SNTG1: variants seen among roughly 807,000 people sequenced by gnomAD.
SNTG1 encodes gamma-1-syntrophin.
A neutral mutation model predicts 74.7 loss-of-function variants in SNTG1; 39 were observed. The ratio of observed to expected loss-of-function variants is 0.52; its 90% CI spans 0.40 to 0.68. The LOEUF is 0.68. Among genes scored for constraint, SNTG1 ranks in the 30% least tolerant of loss-of-function variants. The pLI, the probability that SNTG1 is intolerant of heterozygous loss-of-function variation, is 0.00. For synonymous variants in SNTG1, 254 were observed against 217.1 expected (o/e 1.17, Z -1.49); for missense variants, 685 against 609.5 (o/e 1.12, Z -1.30).
At chr8:50,438,455 C>G in intron 4 of SNTG1, 88 bp from the exon 5 acceptor site, 1 of 1,103,292 alleles carries the variant, frequency 9.1e-7, no homozygotes, top group South Asian at 1.4e-5. Context: ...AAAGCAAAAC[C>G]CAGAAGAAAA....
intron 13 of SNTG1, among the ~76,000 whole-genome samples, chr8:50,618,802 T>G (rs2392704): frequency 0.83 from 126,272 of 152,128 alleles, 52,943 homozygotes; most frequent in African/African-American, 0.94. Context: ...CCTGTATATA[T>G]AGAGTTCACA....
Position 50,512,858 on chromosome 8 carries a change from C to T in SNTG1, c.466+9978C>T, listed in dbSNP as rs182903946. Among the ~76,000 whole-genome samples the T allele has an allele frequency of 1.8e-3, 272 of 152,054 alleles. 1 individual carries two copies. The highest frequency in any genetic ancestry group is 6.0e-3 in the African/African-American group (249 of 41,496). Reference sequence around the variant, plus strand: ...GTTTTTAACTTCTTTGCCATGGGTTCGAACTTCCTCCTTTAGCTTGGAGTA... The same window carrying T: ...GTTTTTAACTTCTTTGCCATGGGTTTGAACTTCCTCCTTTAGCTTGGAGTA... On this transcript the variant is annotated intron_variant, in intron 9 of 18. Transcript: ENST00000642720.
chr8:50,458,054 AGTGG>A (rs1563414213), intron 8 of SNTG1: 2 of 152,222 alleles, frequency 1.3e-5, no homozygotes, highest in Non-Finnish European at 2.9e-5. Context: ...TAAACCACAC[AGTGG>A]AGCCCAGTGG....
chr8:50,569,017 CA>C (rs1184128186), intron 12 of SNTG1: 1 of 152,164 alleles, frequency 6.6e-6, no homozygotes, highest in African/African-American at 2.4e-5. Flanking sequence ...CCCCTTGTAT[CA>C]GGTAAGAGAA....
At chr8:50,777,585 A>G (rs1011766738) in intron 18 of SNTG1, among the ~76,000 whole-genome samples, 2 of 151,528 alleles carry the variant, frequency 1.3e-5, no homozygotes, top group African/African-American at 4.8e-5. Context: ...ACTACTTTAA[A>G]ATATTTGTCA....
rs189068558 is a variant in SNTG1, at chr8:50,390,391, T to A, written c.-27-3821T>A. On this transcript the variant is annotated intron_variant, in intron 2 of 18. Coordinates refer to ENST00000642720, the MANE Select transcript of SNTG1 (RefSeq NM_018967.5). ...ATCAGATAGTTGTAGATGTGTGGTA[T>A]TATTTCTGAGGGCTCTGTTCTGATC... is the stretch of plus-strand genomic sequence containing the variant. 1.6e-4 allele frequency among the ~76,000 whole-genome samples: 24 copies of A among 152,318 alleles called. 1 individual carries two copies. Among genetic ancestry groups the A allele is most frequent in the African/African-American group, 5.3e-4 (22 of 41,572 alleles).
At chr8:49,988,207 G>A (rs759041230) in intron 1 of SNTG1, among the ~76,000 whole-genome samples, 26 of 152,026 alleles carry the variant, frequency 1.7e-4, no homozygotes, top group Non-Finnish European at 2.9e-4. Flanking sequence ...AAAAATGGGC[G>A]TGCAGAGTTG....
chr8:50,699,967 A>T (rs2095417966), intron 15 of SNTG1, among the ~76,000 whole-genome samples: 1 of 152,176 alleles, frequency 6.6e-6, no homozygotes. Context: ...TGAGTGAAGG[A>T]AGCTATATAT....
intron 1 of SNTG1, among the ~76,000 whole-genome samples, chr8:49,932,616 A>G (rs1807697194): frequency 6.6e-6 from 1 of 151,930 alleles, no homozygotes; most frequent in South Asian, 2.1e-4. Flanking sequence ...AAATACATTG[A>G]GATATAATTC....
intron 1 of SNTG1, among the ~76,000 whole-genome samples, chr8:50,039,484 C>T (rs1301462282): frequency 9.0e-6 from 1 of 111,022 alleles, no homozygotes; most frequent in African/African-American, 3.3e-5. Context: ...AAAAAAAAAA[C>T]TCAAGTTAAT....
At position 50,513,719 on chromosome 8, in the gene SNTG1, G is replaced by A. The variant is rs527481607; in HGVS notation, c.466+10839G>A. On this transcript the variant is annotated intron_variant, in intron 9 of 18. Transcript: ENST00000642720. The stretch of plus-strand genomic sequence containing the variant: ...GGGCATAAGACCCTCCAAGCCATGC[G>A]CAGGATATAATCTCCTGGTGTGCCG... 2.7e-3 allele frequency among the ~76,000 whole-genome samples: 417 copies of A among 152,338 alleles called. 4 individuals are homozygous for A. The South Asian group carries it at 0.03, about 11-fold the overall frequency.
chr8:50,169,484 C>G (rs2082735104), intron 1 of SNTG1, among the ~76,000 whole-genome samples: 1 of 152,072 alleles, frequency 6.6e-6, no homozygotes, highest in African/African-American at 2.4e-5. Flanking sequence ...GTATAAAGAC[C>G]TAGAAAGGGA....
intron 17 of SNTG1, among the ~76,000 whole-genome samples, chr8:50,726,095 C>T (rs550158852): frequency 6.6e-6 from 1 of 152,132 alleles, no homozygotes. Flanking sequence ...TGTGTGTGTA[C>T]AAATATAATT....
intron 17 of SNTG1, among the ~76,000 whole-genome samples, chr8:50,749,847 C>G (rs1348040188): frequency 2.0e-5 from 3 of 151,984 alleles, no homozygotes; most frequent in Non-Finnish European, 4.4e-5. Flanking sequence ...TATCCAAGAA[C>G]TCTGAGGGAG....
intron 17 of SNTG1, among the ~76,000 whole-genome samples, chr8:50,740,023 A>T (rs2095539108): frequency 6.6e-6 from 1 of 152,128 alleles, no homozygotes. Context: ...AAAACTCTGG[A>T]ATACAGCCTA....
At chr8:50,568,313 G>A (rs2094527907) in intron 12 of SNTG1, among the ~76,000 whole-genome samples, 1 of 151,528 alleles carries the variant, frequency 6.6e-6, no homozygotes, top group African/African-American at 2.4e-5. Flanking sequence ...AAACATGGGA[G>A]TACAGATATC....
chr8:50,321,708 G>T (rs2090537179), intron 2 of SNTG1, among the ~76,000 whole-genome samples: 1 of 146,194 alleles, frequency 6.8e-6, no homozygotes, highest in African/African-American at 2.4e-5. Flanking sequence ...GTAGATTTGA[G>T]GTTAAAATGA....
chr8:50,136,256 G>C (rs995975295), intron 1 of SNTG1, among the ~76,000 whole-genome samples: 7 of 151,694 alleles, frequency 4.6e-5, no homozygotes, highest in Admixed American at 6.6e-5. Context: ...TTTATATTTT[G>C]GGGGGGAATA....
rs561213805 is a variant in SNTG1, at chr8:50,266,303, T to C, written c.-28+93668T>C. Among the ~76,000 whole-genome samples, 17 of 152,198 alleles carry C rather than the reference T, an allele frequency of 1.1e-4. No individual in the cohort carries two copies. The South Asian group carries it at 3.5e-3, about 32-fold the overall frequency. On this transcript the variant is annotated intron_variant, in intron 2 of 18. Coordinates refer to ENST00000642720, the MANE Select transcript of SNTG1 (RefSeq NM_018967.5). ...AAGTCTCACATTTATGCCAAATTGA[T>C]TTTCAACAAAGATGGTGAGAGAATT... is the stretch of plus-strand genomic sequence containing the variant.
Sources: allele counts gnomAD v4.1 joint callset (sites outside exome capture counted in the v4.1 genomes callset), GRCh38; gene constraint gnomAD v4.1.1; transcripts MANE v1.5; gene names NCBI Gene and HGNC (gene_info 2026-07-23, HGNC 2026-07-21).